ADAM8: variants seen among roughly 807,000 people sequenced by gnomAD.
ADAM8 encodes ADAM metallopeptidase domain 8.
A neutral mutation model predicts 102.4 loss-of-function variants in ADAM8; 104 were observed. That is an observed-to-expected ratio of 1.02 (90% CI 0.87 to 1.20). The LOEUF (loss-of-function observed/expected upper bound fraction) is 1.20, where lower values mean the gene tolerates loss of function less well. Among genes scored for constraint, ADAM8 ranks in the 50% most tolerant of loss-of-function variants. ADAM8 has a pLI of 0.00. For missense variants in ADAM8, 1,132 were observed against 1,159.0 expected, an observed-to-expected ratio of 0.98 and a Z score of 0.34; for synonymous variants, 517 against 485.2, an observed-to-expected ratio of 1.07 and a Z score of -0.86.
intron 17 of ADAM8, among the ~76,000 whole-genome samples, 173 bp downstream of exon 17, chr10:133,269,724 G>A (rs1309254312): frequency 1.3e-5 from 2 of 152,154 alleles, no homozygotes; most frequent in Non-Finnish European, 2.9e-5. Flanking sequence ...TTCCATCCAC[G>A]GAGGCCACCC....
rs556083165 is a variant in ADAM8, at chr10:133,271,871, G to A, written c.1041C>T (p.Asn347=). 6.4e-5 allele frequency: 103 copies of A among 1,612,718 alleles called. No individual in the cohort carries two copies. In the East Asian group the frequency reaches 1.8e-3, roughly 29 times the overall value. ...GHNLGMDHDE[N]VQGCRCQERF... ...GTTCCTGGCAGCGGCAGCCCTGGACGTTCTCATCATGGTCCATGCCCAGGT... is the reference window on the plus strand; with the variant it reads ...GTTCCTGGCAGCGGCAGCCCTGGACATTCTCATCATGGTCCATGCCCAGGT... The change falls in exon 11 of 23, where the codon AAC becomes AAT. Residue 347 remains asparagine, a synonymous_variant. Transcript: ENST00000445355.
rs778301208 is a variant in ADAM8, at chr10:133,263,086, G to A, written c.*70C>T. The A allele has an allele frequency of 1.1e-5, 17 of 1,567,128 alleles. No individual in the cohort carries two copies. In the Admixed American group the frequency reaches 1.2e-4, roughly 11 times the overall value. On this transcript the variant is annotated 3_prime_UTR_variant, in exon 23 of 23. Transcript: ENST00000445355. ...AGGGCTGAGCGGCACTAGCTGGACC[G>A]TGGAATGCTGGAACGCATGGCTTCT...
chr10:133,263,019 C>A lies in ADAM8; in HGVS notation c.*137G>T, dbSNP rs2995300. On this transcript the variant is annotated 3_prime_UTR_variant, in exon 23 of 23. Coordinates refer to ENST00000445355, the MANE Select transcript of ADAM8 (RefSeq NM_001109.5). The stretch of plus-strand genomic sequence containing the variant: ...CAGGAGCCTCTCAGGTAGATGCATT[C>A]CTGAGGTTAGAACAGCAGCTGAGCC... 934,712 of 1,065,392 alleles carry A rather than the reference C, an allele frequency of 0.88. 411,588 individuals carry two copies. Among genetic ancestry groups the A allele is most frequent in the East Asian group, 0.92 (38,692 of 42,146 alleles). The allele number at this position is 1,065,392 out of a possible 1,614,324, so 66.0% of individuals were successfully genotyped here. A position where few individuals can be genotyped will look rare whatever the true frequency, so the allele number is the denominator to read the frequency against.
intron 21 of ADAM8, among the ~76,000 whole-genome samples, chr10:133,266,483 C>A (rs1481494470): frequency 6.6e-6 from 1 of 152,196 alleles, no homozygotes; most frequent in Non-Finnish European, 1.5e-5. Flanking sequence ...ATGCACAGCC[C>A]AGTCCTAGGG....
Position 133,270,897 on chromosome 10 carries a change from C to A in ADAM8, c.1548G>T (p.Gln516His). 6.2e-7 allele frequency: 1 copy of A among 1,611,690 alleles called. No homozygotes were observed. Among genetic ancestry groups the A allele is most frequent in the Non-Finnish European group, 8.5e-7 (1 of 1,179,136 alleles). ...CCACTTCACCTGGCCCCCAGAAGGC[C>A]TGGCACTGCTGGGCCAGTGTGGGAC... The part of the protein sequence containing the change: ...GACPTLAQQC[Q>H]AFWGPGGQAA... The change falls in exon 14 of 23, where the codon CAG becomes CAT. Residue 516 changes from glutamine (Q) to histidine (H), a missense_variant. Coordinates refer to ENST00000445355, the MANE Select transcript of ADAM8 (RefSeq NM_001109.5).
rs1052137626 is a variant in ADAM8, at chr10:133,268,750, G to A, written c.2061C>T (p.Ser687=). Residue 687 remains serine (S), a splice_region_variant and synonymous_variant, in exon 19 of 23, where the codon AGC becomes AGT. Transcript: ENST00000445355. ...VYRKARSRIL[S]RNVAPKTTMG... Reference sequence around the variant, plus strand: ...GTCACAGCCCCCACCACCCTCACCTGCTCAGGATGCGGCTCCGGGCTTTGC... The same window carrying A: ...GTCACAGCCCCCACCACCCTCACCTACTCAGGATGCGGCTCCGGGCTTTGC... 3.1e-6 allele frequency: 5 copies of A among 1,609,446 alleles called. No homozygotes were observed. In the African/African-American group the frequency reaches 6.7e-5, roughly 21 times the overall value.
intron 16 of ADAM8, 64 bp downstream of exon 16, chr10:133,270,296 A>G: frequency 6.5e-7 from 1 of 1,535,630 alleles, no homozygotes; most frequent in Non-Finnish European, 8.8e-7. Flanking sequence ...ACGCATCTGC[A>G]CCCACGTGGG....
At chr10:133,266,027 G>A (rs1345809880) in intron 21 of ADAM8, among the ~76,000 whole-genome samples, 6 of 152,198 alleles carry the variant, frequency 3.9e-5, no homozygotes, top group Admixed American at 6.5e-5. Flanking sequence ...CCCCGTGACC[G>A]AAGCTGCATG....
At chr10:133,275,287 C>T (rs1846709995) in intron 2 of ADAM8, among the ~76,000 whole-genome samples, 197 bp downstream of exon 2, 2 of 152,204 alleles carry the variant, frequency 1.3e-5, no homozygotes, top group African/African-American at 4.8e-5. Flanking sequence ...CATAGAGCTC[C>T]TGAAGGAACG....
chr10:133,271,293 GGGCGAC>G lies in ADAM8; in HGVS notation c.1285-10_1285-5del, dbSNP rs1464250138. On this transcript the variant is annotated splice_region_variant and splice_polypyrimidine_tract_variant and intron_variant, in intron 12 of 22. Coordinates refer to ENST00000445355, the MANE Select transcript of ADAM8 (RefSeq NM_001109.5). Reference sequence around the variant, plus strand: ...TGCAGCAGCGGTTCCGGCAGTCCTGGGGCGACGGCAAAGGCCTTGGCAGGCTGCACT... The same window carrying G: ...TGCAGCAGCGGTTCCGGCAGTCCTGGGGCAAAGGCCTTGGCAGGCTGCACT... The G allele has an allele frequency of 1.2e-6, 2 of 1,608,748 alleles. No homozygotes were observed. The highest frequency in any genetic ancestry group is 2.7e-5 in the African/African-American group (2 of 74,844).
Position 133,268,831 on chromosome 10 carries a change from C to G in ADAM8, c.1980G>C (p.Val660=). The G allele has an allele frequency of 6.2e-7, 1 of 1,610,074 alleles. No homozygotes were observed. The highest frequency in any genetic ancestry group is 8.5e-7 in the Non-Finnish European group (1 of 1,179,886). Reference sequence around the variant, plus strand: ...GCACAACTGCCAGGAGCACCAGAACCACCACCACGAAGACGGGGAGGCTCC... The same window carrying G: ...GCACAACTGCCAGGAGCACCAGAACGACCACCACGAAGACGGGGAGGCTCC... The part of the protein sequence containing the change: ...ASGSLPVFVV[V]VLVLLAVVLV... The change falls in exon 19 of 23, where the codon GTG becomes GTC. Residue 660 remains valine, a synonymous_variant. Coordinates refer to ENST00000445355, the MANE Select transcript of ADAM8 (RefSeq NM_001109.5).
intron 18 of ADAM8, chr10:133,269,195 G>T (rs1329884587): frequency 1.0e-6 from 1 of 984,830 alleles, no homozygotes; most frequent in African/African-American, 1.7e-5. Flanking sequence ...ACAGGCTGAG[G>T]ACACTGGAGT....
intron 19 of ADAM8, 133 bp downstream of exon 19, chr10:133,268,615 T>C: frequency 9.9e-7 from 1 of 1,008,480 alleles, no homozygotes; most frequent in Non-Finnish European, 1.4e-6. Flanking sequence ...CCGGGGGGCG[T>C]CATGACGTCG....
chr10:133,269,277 A>AGCCT, intron 18 of ADAM8, 168 bp downstream of exon 18: 7 of 876,624 alleles, frequency 8.0e-6, no homozygotes, highest in Non-Finnish European at 9.6e-6. Context: ...TCCTCACATC[A>AGCCT]GCCTGGGGAC....
At position 133,262,882 on chromosome 10, in the gene ADAM8, TAC is replaced by T. The variant is rs1053407856; in HGVS notation, c.*272_*273del. On this transcript the variant is annotated 3_prime_UTR_variant, in exon 23 of 23. Coordinates refer to ENST00000445355, the MANE Select transcript of ADAM8 (RefSeq NM_001109.5). ...AGACCAGCGGCCACCTGGAGACACG[TAC>T]ACACACACGCACCCGCAAGCACACA... 5.0e-5 allele frequency: 28 copies of T among 564,852 alleles called. No individual in the cohort carries two copies. The highest frequency in any genetic ancestry group is 5.9e-5 in the South Asian group (3 of 51,160). The allele number at this position is 564,852 out of a possible 1,614,324, so 35.0% of individuals were successfully genotyped here. A position where few individuals can be genotyped will look rare whatever the true frequency, so the allele number is the denominator to read the frequency against.
At chr10:133,267,551 C>G in intron 20 of ADAM8, 134 bp from the exon 21 acceptor site, 1 of 883,186 alleles carries the variant, frequency 1.1e-6, no homozygotes, top group Non-Finnish European at 1.7e-6. Flanking sequence ...AGGGCCCCAC[C>G]CCAGATGAGA....
chr10:133,266,353 CAGGATTCTCT>C (rs776097182), intron 21 of ADAM8, among the ~76,000 whole-genome samples: 4 of 152,114 alleles, frequency 2.6e-5, no homozygotes, highest in Non-Finnish European at 5.9e-5. Flanking sequence ...GAAGGGCATG[CAGGATTCTCT>C]AGGCTATTTT....
intron 5 of ADAM8, 41 bp from the exon 6 acceptor site, chr10:133,273,484 T>C (rs1846628694): frequency 6.7e-7 from 1 of 1,503,588 alleles, no homozygotes. Flanking sequence ...GGCTTCAGAG[T>C]GGCCTGGTCC....
In ADAM8 at chr10:133,268,231, G is replaced by A. The variant is rs964037354; in HGVS notation, c.2064-113C>T. ...GACCCGAGAGGCTTCAGGGCGAGAG[G>A]TTGTGGCCATGAGAGACAGACAGGC... On this transcript the variant is annotated intron_variant, in intron 19 of 22. Coordinates refer to ENST00000445355, the MANE Select transcript of ADAM8 (RefSeq NM_001109.5). 14 of 1,009,610 alleles carry A rather than the reference G, an allele frequency of 1.4e-5. No individual in the cohort carries two copies. In the East Asian group the frequency reaches 3.9e-4, roughly 28 times the overall value. The allele number at this position is 1,009,610 out of a possible 1,614,324, so 62.5% of individuals were successfully genotyped here.
Sources: gnomAD v4.1 joint callset for allele counts (sites outside exome capture counted in the v4.1 genomes callset) on GRCh38, gnomAD v4.1.1 for gene constraint, MANE v1.5 for transcripts, NCBI Gene and HGNC (gene_info 2026-07-23, HGNC 2026-07-21) for gene names.